The following CBFA2T2 variants were observed in gnomAD, a reference collection of about 807,000 sequenced individuals.
The protein encoded by CBFA2T2 is protein CBFA2T2.
In CBFA2T2, 11 loss-of-function variants were observed where a neutral mutation model predicts 62.2. The ratio of observed to expected loss-of-function variants is 0.18; its 90% CI spans 0.11 to 0.29. The LOEUF (loss-of-function observed/expected upper bound fraction) is 0.29, where lower values mean the gene tolerates loss of function less well. CBFA2T2 is among the 10% of genes least tolerant of loss of function. The pLI is 1.00. For synonymous variants in CBFA2T2, 295 were observed against 287.5 expected (o/e 1.03, Z -0.27); for missense variants, 592 against 774.1 (o/e 0.76, Z 2.79).
At chr20:33,630,529 T>C (rs533250254) in intron 8 of CBFA2T2, among the ~76,000 whole-genome samples, 1 of 152,298 alleles carries the variant, frequency 6.6e-6, no homozygotes, top group East Asian at 1.9e-4. Flanking sequence ...GGTGGCCTCC[T>C]ACAAAAGGTT....
intron 1 of CBFA2T2, among the ~76,000 whole-genome samples, chr20:33,555,595 C>A (rs2012874253): frequency 6.6e-6 from 1 of 152,112 alleles, no homozygotes; most frequent in Non-Finnish European, 1.5e-5. Context: ...GAAATATGCC[C>A]TTTTATCCCT....
Position 33,629,883 on chromosome 20 carries a change from C to G in CBFA2T2, c.1197C>G (p.His399Gln). Reference protein sequence around the residue: ...KTGTELVSRQHSPGSADSLSN... With the variant: ...KTGTELVSRQQSPGSADSLSN... ...GGACCGAGTTGGTCTCCAGGCAGCA[C>G]AGCCCTGGGAGTGCAGATTCTCTCA... Residue 399 changes from histidine to glutamine, a missense_variant, in exon 8 of 11, where the codon CAC (histidine) becomes CAG (glutamine). His to Gln is a conservative substitution (Grantham distance 24). Transcript: ENST00000342704. 1 of 1,613,778 alleles carries G rather than the reference C, an allele frequency of 6.2e-7. No homozygotes were observed. Among genetic ancestry groups the G allele is most frequent in the Non-Finnish European group, 8.5e-7 (1 of 1,179,840 alleles).
chr20:33,542,699 T>G (rs1377246228), intron 1 of CBFA2T2, among the ~76,000 whole-genome samples: 1 of 152,092 alleles, frequency 6.6e-6, no homozygotes, highest in Non-Finnish European at 1.5e-5. Context: ...AGGAACAGGG[T>G]CTTGCTCTGC....
At chr20:33,534,988 G>A (rs2012167290) in intron 1 of CBFA2T2, among the ~76,000 whole-genome samples, 1 of 152,144 alleles carries the variant, frequency 6.6e-6, no homozygotes, top group South Asian at 2.1e-4. Flanking sequence ...TGGACAAATG[G>A]CACTGATAGA....
chr20:33,513,775 C>T (rs1372597969), intron 1 of CBFA2T2, among the ~76,000 whole-genome samples: 1 of 133,614 alleles, frequency 7.5e-6, no homozygotes, highest in Non-Finnish European at 1.5e-5. Context: ...GATTGCGCAA[C>T]TGCGCTACTG....
intron 2 of CBFA2T2, among the ~76,000 whole-genome samples, chr20:33,608,028 C>T (rs184135828): frequency 2.9e-4 from 44 of 152,350 alleles, no homozygotes; most frequent in Admixed American, 1.2e-3. Context: ...CTTGAACACT[C>T]ATACAATGCT....
intron 10 of CBFA2T2, among the ~76,000 whole-genome samples, chr20:33,642,675 T>C (rs993210232): frequency 5.9e-5 from 9 of 152,170 alleles, no homozygotes; most frequent in African/African-American, 2.2e-4. Flanking sequence ...AGAATTGTTT[T>C]TGAGAGTGAG....
At chr20:33,570,818 T>G (rs2013532210) in intron 1 of CBFA2T2, among the ~76,000 whole-genome samples, 1 of 152,228 alleles carries the variant, frequency 6.6e-6, no homozygotes, top group Non-Finnish European at 1.5e-5. Flanking sequence ...TAAGTTGTCC[T>G]CTCTCATTCC....
intron 1 of CBFA2T2, among the ~76,000 whole-genome samples, chr20:33,541,868 A>T (rs1055137569): frequency 6.6e-6 from 1 of 151,604 alleles, no homozygotes; most frequent in African/African-American, 2.4e-5. Flanking sequence ...TTAGTGCTAC[A>T]GGTTTTTGTT....
intron 1 of CBFA2T2, among the ~76,000 whole-genome samples, chr20:33,586,325 C>T (rs564990056): frequency 6.2e-4 from 94 of 152,164 alleles, no homozygotes; most frequent in African/African-American, 2.2e-3. Context: ...ACTACAGGGA[C>T]GGGGTTTCAC....
At chr20:33,608,514 C>G (rs2015414754) in intron 2 of CBFA2T2, among the ~76,000 whole-genome samples, 1 of 152,180 alleles carries the variant, frequency 6.6e-6, no homozygotes, top group South Asian at 2.1e-4. Context: ...TAGCTGGTAA[C>G]TGTAGCATTC....
At chr20:33,622,158 TTCTTA>T (rs1186049720) in intron 4 of CBFA2T2, among the ~76,000 whole-genome samples, 1 of 152,238 alleles carries the variant, frequency 6.6e-6, no homozygotes, top group Non-Finnish European at 1.5e-5. Flanking sequence ...AAATTCCTTA[TTCTTA>T]ACTCTGTTAT....
chr20:33,577,929 A>G (rs1408384747), intron 1 of CBFA2T2, among the ~76,000 whole-genome samples: 1 of 152,198 alleles, frequency 6.6e-6, no homozygotes, highest in Non-Finnish European at 1.5e-5. Flanking sequence ...ATGGAGAGTA[A>G]TGGTAGCTAT....
rs1453602216 is a variant in CBFA2T2, at chr20:33,624,885, G to A, written c.814G>A (p.Gly272Arg). The A allele has an allele frequency of 1.2e-6, 2 of 1,612,378 alleles. No homozygotes were observed. Among genetic ancestry groups the A allele is most frequent in the Non-Finnish European group, 1.7e-6 (2 of 1,178,678 alleles). ...TCTCACTGTGCCCCTCATGAATCCC[G>A]GGGGCCAATTCCATCCTACCCCTCC... Reference protein sequence around the residue: ...PALTVPLMNPGGQFHPTPPPL... With the variant: ...PALTVPLMNPRGQFHPTPPPL... The change falls in exon 6 of 11, where the codon GGG becomes AGG. Residue 272 changes from glycine (G) to arginine (R), a missense_variant. Physicochemically the swap from Gly to Arg is moderately radical, Grantham distance 125 (BLOSUM62 -2). Coordinates refer to ENST00000342704, the MANE Select transcript of CBFA2T2 (RefSeq NM_001032999.3).
At chr20:33,539,826 A>AT (rs1322196727) in intron 1 of CBFA2T2, among the ~76,000 whole-genome samples, 1 of 151,814 alleles carries the variant, frequency 6.6e-6, no homozygotes, top group Non-Finnish European at 1.5e-5. Context: ...AGCTGGGACT[A>AT]TAGGTGCGTA....
chr20:33,519,279 G>A (rs1333445307), intron 1 of CBFA2T2, among the ~76,000 whole-genome samples: 1 of 152,078 alleles, frequency 6.6e-6, no homozygotes, highest in African/African-American at 2.4e-5. Context: ...AGACCAGCCT[G>A]GCCGACAAGG....
At chr20:33,545,367 A>T (rs1370568037) in intron 1 of CBFA2T2, among the ~76,000 whole-genome samples, 3 of 152,226 alleles carry the variant, frequency 2.0e-5, no homozygotes, top group Non-Finnish European at 4.4e-5. Flanking sequence ...AATAAAATGC[A>T]AGTTATTAGT....
intron 1 of CBFA2T2, among the ~76,000 whole-genome samples, chr20:33,520,972 A>T (rs749561714): frequency 7.4e-4 from 92 of 124,706 alleles, no homozygotes; most frequent in Non-Finnish European, 1.3e-3. Flanking sequence ...ACCTGCCATC[A>T]CACACACACA....
At chr20:33,557,393 G>C (rs2146889471) in intron 1 of CBFA2T2, among the ~76,000 whole-genome samples, 1 of 152,226 alleles carries the variant, frequency 6.6e-6, no homozygotes, top group Admixed American at 6.5e-5. Flanking sequence ...AGAAAATGTA[G>C]TTTAGAAATC....
Sources: allele counts gnomAD v4.1 joint callset (sites outside exome capture counted in the v4.1 genomes callset), GRCh38; gene constraint gnomAD v4.1.1; transcripts MANE v1.5; gene names NCBI Gene and HGNC (gene_info 2026-07-23, HGNC 2026-07-21).